Variants in TRHR observed in about 807,000 individuals in gnomAD.
The protein encoded by TRHR is thyrotropin releasing hormone receptor.
In TRHR, 14 loss-of-function variants were observed where a neutral mutation model predicts 28.0. The observed-to-expected ratio is 0.50, with a 90% confidence interval of 0.33 to 0.78. The LOEUF (loss-of-function observed/expected upper bound fraction) is 0.78. Among genes scored for constraint, TRHR ranks in the 30% least tolerant of loss-of-function variants. The probability of loss-of-function intolerance (pLI) is 0.02; values close to 1 mark genes in which losing one functional copy is unlikely to be tolerated. For missense variants in TRHR, 438 were observed against 469.5 expected (o/e 0.93, Z 0.62); for synonymous variants, 176 against 171.9 (o/e 1.02, Z -0.18).
intron 2 of TRHR, among the ~76,000 whole-genome samples, chr8:109,116,197 G>T (rs372026911): frequency 6.6e-6 from 1 of 152,002 alleles, no homozygotes; most frequent in South Asian, 2.1e-4. Context: ...TGCTGGATTC[G>T]GTTTGCCAGT....
intron 2 of TRHR, among the ~76,000 whole-genome samples, chr8:109,104,642 A>T (rs1349075439): frequency 1.3e-5 from 2 of 152,030 alleles, no homozygotes; most frequent in Non-Finnish European, 2.9e-5. Context: ...AGAACAGGAC[A>T]TTTTCCCATC....
chr8:109,098,771 T>C (rs1811634420), intron 2 of TRHR, among the ~76,000 whole-genome samples: 1 of 152,148 alleles, frequency 6.6e-6, no homozygotes, highest in Admixed American at 6.5e-5. Context: ...ACCTGTTTCT[T>C]TCTATCCTCC....
At chr8:109,104,771 C>T (rs933933249) in intron 2 of TRHR, among the ~76,000 whole-genome samples, 1 of 151,918 alleles carries the variant, frequency 6.6e-6, no homozygotes, top group Non-Finnish European at 1.5e-5. Flanking sequence ...AAAACTTCCC[C>T]ATCCCACTTC....
At chr8:109,096,425 G>A (rs1811592967) in intron 2 of TRHR, among the ~76,000 whole-genome samples, 1 of 152,100 alleles carries the variant, frequency 6.6e-6, no homozygotes, top group South Asian at 2.1e-4. Context: ...AGTAATTCTT[G>A]GTCCTCATAA....
At position 109,103,577 on chromosome 8, in the gene TRHR, C is replaced by G. The variant is rs541395699; in HGVS notation, c.789+15276C>G. On this transcript the variant is annotated intron_variant, in intron 2 of 2. Transcript: ENST00000518632. ...AAGGCAAAAGCCAGAAAGCCTTTCT[C>G]TATCAATCTACCACTCTTCACACTT... Among the ~76,000 whole-genome samples the G allele has an allele frequency of 5.3e-5, 8 of 152,264 alleles. No homozygotes were observed. In the South Asian group the frequency reaches 1.7e-3, roughly 32 times the overall value.
At chr8:109,115,851 G>A (rs1231149252) in intron 2 of TRHR, among the ~76,000 whole-genome samples, 1 of 152,124 alleles carries the variant, frequency 6.6e-6, no homozygotes, top group African/African-American at 2.4e-5. Context: ...ATGTTGAATA[G>A]GAGTGGTGAG....
Position 109,121,208 on chromosome 8 carries a change from A to G in TRHR, c.*1753A>G, listed in dbSNP as rs5784. Among the ~76,000 whole-genome samples, 5,787 of 151,664 alleles carry G rather than the reference A, an allele frequency of 0.038. 118 individuals carry two copies. The highest frequency in any genetic ancestry group is 0.062 in the Middle Eastern group (18 of 292). ...CCTAAAACCCTACCTGCATGACAGT[A>G]AGCAATCTATGTTAACTGACTTTTC... On this transcript the variant is annotated 3_prime_UTR_variant, in exon 3 of 3. Transcript: ENST00000518632.
chr8:109,105,071 T>C (rs1353206992), intron 2 of TRHR, among the ~76,000 whole-genome samples: 5 of 152,168 alleles, frequency 3.3e-5, no homozygotes, highest in South Asian at 4.1e-4. Flanking sequence ...TTATAATAAG[T>C]AATATTACTG....
chr8:109,113,645 A>G (rs1811872727), intron 2 of TRHR, among the ~76,000 whole-genome samples: 1 of 152,110 alleles, frequency 6.6e-6, no homozygotes, highest in Non-Finnish European at 1.5e-5. Flanking sequence ...ATTGTGACTA[A>G]TCTACCATAC....
chr8:109,100,262 A>G (rs1811657520), intron 2 of TRHR, among the ~76,000 whole-genome samples: 1 of 152,202 alleles, frequency 6.6e-6, no homozygotes, highest in African/African-American at 2.4e-5. Flanking sequence ...GATTCAGAGT[A>G]TATTTACGGG....
rs561158671 is a variant in TRHR at position 109,088,393 on chromosome 8, C to T, written c.789+92C>T. The T allele has an allele frequency of 1.3e-4, 167 of 1,316,584 alleles. 1 individual carries two copies. The highest frequency in any genetic ancestry group is 5.1e-4 in the Middle Eastern group (2 of 3,928). 81.6% of individuals were successfully genotyped at this position (1,316,584 alleles called of 1,614,324 possible). On this transcript the variant is annotated intron_variant, in intron 2 of 2. Coordinates refer to ENST00000518632, the MANE Select transcript of TRHR (RefSeq NM_003301.7). ...CAACTTTTCCCTGTTTAGCTGATGG[C>T]GAAACCAAAATACAATCATGCAAAT...
At chr8:109,100,975 T>A (rs892361950) in intron 2 of TRHR, among the ~76,000 whole-genome samples, 9 of 152,088 alleles carry the variant, frequency 5.9e-5, no homozygotes, top group Admixed American at 5.2e-4. Flanking sequence ...ATGAGCCTAG[T>A]GAGGTAAGCA....
intron 2 of TRHR, among the ~76,000 whole-genome samples, chr8:109,114,028 T>C (rs1419333838): frequency 1.3e-5 from 2 of 152,084 alleles, no homozygotes; most frequent in Non-Finnish European, 2.9e-5. Context: ...GATCCTTATC[T>C]GGAGGCTTTA....
At position 109,087,982 on chromosome 8, in the gene TRHR, G is replaced by C. The variant is rs745504826; in HGVS notation, c.470G>C (p.Cys157Ser). 8.1e-6 allele frequency: 13 copies of C among 1,613,940 alleles called. No individual in the cohort carries two copies. The highest frequency in any genetic ancestry group is 1.0e-5 in the Non-Finnish European group (12 of 1,180,010). ...IFVWAFTSLY[C>S]MLWFFLLDLN... ...GTCTGGGCTTTCACATCTCTTTACT[G>C]TATGCTCTGGTTCTTCTTGCTGGAT... Residue 157 changes from cysteine (C) to serine (S), a missense_variant, in exon 2 of 3, where the codon TGT (cysteine) becomes TCT (serine). Transcript: ENST00000518632.
chr8:109,097,847 C>T (rs961578569), intron 2 of TRHR, among the ~76,000 whole-genome samples: 4 of 152,208 alleles, frequency 2.6e-5, no homozygotes, highest in African/African-American at 9.6e-5. Flanking sequence ...CTTGGAGTTT[C>T]CATTCCAAAT....
chr8:109,093,892 G>A (rs548937215), intron 2 of TRHR, among the ~76,000 whole-genome samples: 16 of 150,756 alleles, frequency 1.1e-4, no homozygotes, highest in African/African-American at 3.4e-4. Context: ...GATAGTTACC[G>A]ACCAGCCTTC....
chr8:109,115,999 T>C (rs903870660), intron 2 of TRHR, among the ~76,000 whole-genome samples: 3 of 151,842 alleles, frequency 2.0e-5, no homozygotes, highest in Non-Finnish European at 4.4e-5. Context: ...TTATTGAGAG[T>C]TTTTAGCATG....
intron 2 of TRHR, among the ~76,000 whole-genome samples, chr8:109,089,454 A>G (rs3134105): frequency 0.69 from 103,873 of 151,332 alleles, 36,754 homozygotes; most frequent in African/African-American, 0.85. Context: ...TGGACACAGC[A>G]AAATAAACTG....
chr8:109,120,702 A>G lies in TRHR; in HGVS notation c.*1247A>G, dbSNP rs1811995394. 6.6e-6 allele frequency among the ~76,000 whole-genome samples: 1 copy of G among 151,738 alleles called. No homozygotes were observed. The highest frequency in any genetic ancestry group is 2.4e-5 in the African/African-American group (1 of 41,356). ...TATGTCATCTTTATATTTATGACTG[A>G]CATCTGCTATTCCAGTGTTTATTGG... On this transcript the variant is annotated 3_prime_UTR_variant, in exon 3 of 3. Coordinates refer to ENST00000518632, the MANE Select transcript of TRHR (RefSeq NM_003301.7).
Sources: gnomAD v4.1 joint callset for allele counts (sites outside exome capture counted in the v4.1 genomes callset) on GRCh38, gnomAD v4.1.1 for gene constraint, MANE v1.5 for transcripts, NCBI Gene and HGNC (gene_info 2026-07-23, HGNC 2026-07-21) for gene names.